SLC9D1: variants seen among roughly 807,000 people sequenced by gnomAD.
The protein encoded by SLC9D1 is putative LAG1-interacting protein.
chr13:113,537,369 G>A, the SLC9D1 span, among the ~76,000 whole-genome samples: 3 of 152,186 alleles, frequency 2.0e-5, no homozygotes, highest in Non-Finnish European at 4.4e-5. Flanking sequence ...TCCTGGCCCC[G>A]TGGGCCGCTG....
chr13:113,526,580 G>A, the SLC9D1 span, among the ~76,000 whole-genome samples: 8 of 152,160 alleles, frequency 5.3e-5, no homozygotes, highest in East Asian at 5.8e-4. Flanking sequence ...TTAGCCAGGC[G>A]TGGTGGCGCA....
chr13:113,509,002 GTA>G, the SLC9D1 span, among the ~76,000 whole-genome samples: 1 of 146,078 alleles, frequency 6.8e-6, no homozygotes, highest in African/African-American at 2.5e-5. Flanking sequence ...AGCTGCCGGT[GTA>G]TGTTGGGACT....
At chr13:113,541,516 G>A in the SLC9D1 span, among the ~76,000 whole-genome samples, 1 of 130,978 alleles carries the variant, frequency 7.6e-6, no homozygotes, top group Non-Finnish European at 1.6e-5. Context: ...ATACGCACAC[G>A]ATTGCTGATC....
chr13:113,499,832 A>G, the SLC9D1 span: 6 of 484,272 alleles, frequency 1.2e-5, no homozygotes, highest in South Asian at 6.1e-4. Flanking sequence ...ATTGAAAAAG[A>G]AGTCCTAATT....
chr13:113,548,801 G>A, the SLC9D1 span, among the ~76,000 whole-genome samples: 864 of 152,314 alleles, frequency 5.7e-3, 9 homozygotes, highest in African/African-American at 0.019. Flanking sequence ...CAGTGTGCCC[G>A]GAGAGCTGGG....
chr13:113,507,362 C>T, the SLC9D1 span, among the ~76,000 whole-genome samples: 1 of 152,138 alleles, frequency 6.6e-6, no homozygotes, highest in African/African-American at 2.4e-5. Flanking sequence ...AATATCTGGC[C>T]AAGCTTTAGA....
the SLC9D1 span, chr13:113,496,051 A>G: frequency 9.2e-6 from 14 of 1,514,124 alleles, no homozygotes; most frequent in East Asian, 3.3e-4. Context: ...GGAGAGAGAG[A>G]GAGAGGGAGA....
chr13:113,498,164 A>G, the SLC9D1 span, among the ~76,000 whole-genome samples: 1 of 152,222 alleles, frequency 6.6e-6, no homozygotes, highest in Non-Finnish European at 1.5e-5. Flanking sequence ...TTCCCTAAAC[A>G]TTTGGCTAAG....
At chr13:113,545,341 G>A in the SLC9D1 span, among the ~76,000 whole-genome samples, 2 of 152,314 alleles carry the variant, frequency 1.3e-5, no homozygotes, top group South Asian at 2.1e-4. Context: ...CTGTGGAGCC[G>A]GTGGGGCCCA....
the SLC9D1 span, chr13:113,514,298 G>C: frequency 6.6e-6 from 1 of 152,146 alleles, no homozygotes; most frequent in Non-Finnish European, 1.5e-5. Flanking sequence ...TTTGTTTAGA[G>C]CAAAGGATTA....
chr13:113,524,078 A>G, the SLC9D1 span: 1 of 455,618 alleles, frequency 2.2e-6, no homozygotes, highest in South Asian at 1.6e-5. Flanking sequence ...AGGAAAAAAA[A>G]GTGTATTCTG....
chr13:113,524,572 G>C, the SLC9D1 span, among the ~76,000 whole-genome samples: 3 of 152,176 alleles, frequency 2.0e-5, no homozygotes, highest in African/African-American at 7.2e-5. Context: ...CTGGCCTCAA[G>C]TGATCTTCCA....
chr13:113,510,983 A>G, the SLC9D1 span, among the ~76,000 whole-genome samples: 5 of 115,802 alleles, frequency 4.3e-5, no homozygotes, highest in African/African-American at 8.2e-5. Context: ...CGGGGAGGAC[A>G]GTGGAAGCCG....
At chr13:113,549,765 G>A in the SLC9D1 span, 3 of 706,502 alleles carry the variant, frequency 4.2e-6, no homozygotes, top group East Asian at 2.7e-5. Context: ...CAGTAGACCC[G>A]GGACACTGCG....
chr13:113,492,231 C>T, the SLC9D1 span, among the ~76,000 whole-genome samples: 834 of 152,346 alleles, frequency 5.5e-3, 9 homozygotes, highest in African/African-American at 0.019. Context: ...CCACCTCAGC[C>T]TCCCAGAGCG....
chr13:113,533,300 C>A, the SLC9D1 span, among the ~76,000 whole-genome samples: 1 of 151,954 alleles, frequency 6.6e-6, no homozygotes, highest in African/African-American at 2.4e-5. Context: ...GCTTCAAGCC[C>A]AGCTCTGCTG....
the SLC9D1 span, among the ~76,000 whole-genome samples, chr13:113,538,808 C>T: frequency 1.2e-3 from 184 of 152,400 alleles, no homozygotes; most frequent in African/African-American, 4.0e-3. Flanking sequence ...CATAAGCCTG[C>T]GTTTCGCAGA....
the SLC9D1 span, chr13:113,536,631 G>C: frequency 1.0e-6 from 1 of 970,538 alleles, no homozygotes; most frequent in African/African-American, 1.8e-5. Context: ...CGGCTCTCAG[G>C]TTTTCTCGCT....
At chr13:113,520,547 T>G in the SLC9D1 span, 1 of 1,041,278 alleles carries the variant, frequency 9.6e-7, no homozygotes, top group Admixed American at 2.0e-5. Flanking sequence ...GTGTGTACAA[T>G]GGCAATATTT....
Sources: gnomAD v4.1 joint callset for allele counts (sites outside exome capture counted in the v4.1 genomes callset) on GRCh38, gnomAD v4.1.1 for gene constraint, MANE v1.5 for transcripts, NCBI Gene and HGNC (gene_info 2026-07-23, HGNC 2026-07-21) for gene names.